Variants in SASH1 observed in about 807,000 individuals in gnomAD.
SASH1 encodes SAM and SH3 domain-containing protein 1.
A neutral mutation model predicts 125.2 loss-of-function variants in SASH1; 44 were observed. The ratio of observed to expected loss-of-function variants is 0.35; its 90% confidence interval spans 0.28 to 0.45. SASH1 has a LOEUF of 0.45. Among genes scored for constraint, SASH1 ranks in the 20% least tolerant of loss-of-function variants. The probability of loss-of-function intolerance (pLI) is 1.00; values close to 1 mark genes in which losing one functional copy is unlikely to be tolerated. For missense variants in SASH1, 1,426 were observed against 1,614.5 expected (o/e 0.88, Z 2.00); for synonymous variants, 639 against 649.1 (o/e 0.98, Z 0.24).
At chr6:148,332,273 C>T (rs1781016942) in intron 1 of SASH1, among the ~76,000 whole-genome samples, 1 of 152,094 alleles carries the variant, frequency 6.6e-6, no homozygotes, top group Non-Finnish European at 1.5e-5. Context: ...GTCAGTTCCC[C>T]CAAGGCATTG....
At chr6:148,204,150 C>A in the SASH1 span, among the ~76,000 whole-genome samples, 1 of 152,162 alleles carries the variant, frequency 6.6e-6, no homozygotes, top group Non-Finnish European at 1.5e-5. Context: ...TCGGGCCGCT[C>A]GGCAAGGCTC....
At chr6:148,388,746 CCCAAGCCCTG>C (rs1345301308) in intron 1 of SASH1, among the ~76,000 whole-genome samples, 1 of 152,232 alleles carries the variant, frequency 6.6e-6, no homozygotes. Flanking sequence ...AAATTCAACT[CCCAAGCCCTG>C]CTTGCATCTA....
chr6:148,504,095 A>G (rs1044425413), intron 8 of SASH1, among the ~76,000 whole-genome samples: 4 of 152,204 alleles, frequency 2.6e-5, no homozygotes, highest in African/African-American at 9.7e-5. Flanking sequence ...TGGATAAAGT[A>G]TCTTTAGTCT....
At chr6:148,365,479 T>A (rs1490267428) in intron 1 of SASH1, among the ~76,000 whole-genome samples, 2 of 151,902 alleles carry the variant, frequency 1.3e-5, no homozygotes, top group African/African-American at 4.8e-5. Context: ...TTGTTGGTTC[T>A]CCTGGTAGAG....
chr6:148,336,007 G>A (rs1203484415), intron 1 of SASH1, among the ~76,000 whole-genome samples: 1 of 152,058 alleles, frequency 6.6e-6, no homozygotes, highest in East Asian at 1.9e-4. Context: ...AATTTATCAA[G>A]GTGCCTGTGT....
the SASH1 span, among the ~76,000 whole-genome samples, chr6:148,262,789 A>C: frequency 2.6e-5 from 4 of 152,224 alleles, no homozygotes; most frequent in African/African-American, 9.6e-5. Context: ...AGGCTGAGAC[A>C]GGAGAATCGC....
At chr6:148,281,158 G>A (rs1562303904) in intron 1 of SASH1, among the ~76,000 whole-genome samples, 1 of 130,536 alleles carries the variant, frequency 7.7e-6, no homozygotes, top group East Asian at 2.2e-4. Context: ...GGGTTTCACC[G>A]TGTTGGCCAG....
At chr6:148,205,627 A>G in the SASH1 span, among the ~76,000 whole-genome samples, 18 of 152,104 alleles carry the variant, frequency 1.2e-4, no homozygotes, top group African/African-American at 4.3e-4. Context: ...GCCTTTCCCT[A>G]GTCCCCAGAA....
intron 8 of SASH1, chr6:148,508,901 G>A (rs985008035): frequency 2.4e-6 from 3 of 1,240,960 alleles, no homozygotes; most frequent in South Asian, 2.5e-5. Context: ...TGCGTTCAAT[G>A]GGAAAGAAAG....
At chr6:148,206,832 A>ACACACACACAC in the SASH1 span, among the ~76,000 whole-genome samples, 1 of 84,590 alleles carries the variant, frequency 1.2e-5, no homozygotes, top group East Asian at 3.5e-4. Context: ...CACACACACA[A>ACACACACACAC]ATTAACATAA....
chr6:148,207,056 A>G, the SASH1 span, among the ~76,000 whole-genome samples: 909 of 152,232 alleles, frequency 6.0e-3, 9 homozygotes, highest in African/African-American at 0.02. Context: ...TCCAAAATGG[A>G]TGAGCCAACC....
At chr6:148,542,730 G>T (rs1200284124) in intron 17 of SASH1, among the ~76,000 whole-genome samples, 1 of 152,178 alleles carries the variant, frequency 6.6e-6, no homozygotes, top group East Asian at 1.9e-4. Context: ...TGATCTTTAT[G>T]TAACAACAAT....
At chr6:148,297,381 T>C (rs1323740153) in intron 1 of SASH1, among the ~76,000 whole-genome samples, 1 of 152,228 alleles carries the variant, frequency 6.6e-6, no homozygotes, top group Non-Finnish European at 1.5e-5. Flanking sequence ...CTTTATTTGA[T>C]TGTGACAACA....
chr6:148,366,000 C>G (rs1782435899), intron 1 of SASH1, among the ~76,000 whole-genome samples: 1 of 152,020 alleles, frequency 6.6e-6, no homozygotes, highest in African/African-American at 2.4e-5. Context: ...GTAATCCCAG[C>G]TACTCAGGAG....
chr6:148,405,838 C>T (rs909413794), intron 2 of SASH1, among the ~76,000 whole-genome samples: 7 of 152,198 alleles, frequency 4.6e-5, no homozygotes, highest in African/African-American at 1.7e-4. Flanking sequence ...TATCCCAGCA[C>T]ATCATGAGAA....
At chr6:148,447,649 TTCC>T (rs922098164) in intron 4 of SASH1, among the ~76,000 whole-genome samples, 4 of 148,110 alleles carry the variant, frequency 2.7e-5, no homozygotes, top group African/African-American at 5.0e-5. Context: ...CCTCCTCCTT[TTCC>T]TCCTCTTCTT....
At chr6:148,513,528 C>G (rs1780269833) in intron 8 of SASH1, 1 of 985,324 alleles carries the variant, frequency 1.0e-6, no homozygotes, top group South Asian at 4.7e-5. Context: ...TGTTTTTAGC[C>G]TGGGTCACTG....
upstream of SASH1, among the ~76,000 whole-genome samples, chr6:148,270,373 T>A (rs528722098): frequency 9.5e-5 from 6 of 63,260 alleles, no homozygotes; most frequent in East Asian, 2.6e-3. Flanking sequence ...CTGACTTTAA[T>A]ATTTTAAAAT....
At chr6:148,221,906 C>G in the SASH1 span, among the ~76,000 whole-genome samples, 1 of 152,366 alleles carries the variant, frequency 6.6e-6, no homozygotes, top group South Asian at 2.1e-4. Context: ...TTACTTCTCA[C>G]TCTTCCTCGT....
Sources: allele counts gnomAD v4.1 joint callset (sites outside exome capture counted in the v4.1 genomes callset), GRCh38; gene constraint gnomAD v4.1.1; transcripts MANE v1.5; gene names NCBI Gene and HGNC (gene_info 2026-07-23, HGNC 2026-07-21).